The following OR2M7 variants were observed in gnomAD, a reference collection of about 807,000 sequenced individuals.
OR2M7 encodes the protein olfactory receptor 2M7.
For missense variants in OR2M7, 390 were observed against 386.8 expected (o/e 1.01, Z -0.07); for synonymous variants, 129 against 135.0 (o/e 0.96, Z 0.31).
rs1257087789 is a variant in OR2M7, at chr1:248,323,997, T to C, written c.572A>G (p.Asp191Gly). The C allele has an allele frequency of 1.2e-6, 2 of 1,613,854 alleles. No homozygotes were observed. Among genetic ancestry groups the C allele is most frequent in the Non-Finnish European group, 1.7e-6 (2 of 1,179,828 alleles). Residue 191 changes from aspartate (D) to glycine (G), a missense_variant, in exon 1 of 1, where the codon GAC (aspartate) becomes GGC (glycine). Physicochemically the swap from Asp to Gly is moderately conservative, Grantham distance 94. Coordinates refer to ENST00000317965, the MANE Select transcript of OR2M7 (RefSeq NM_001004691.1). ...AATAACCTCTTCAAATATTGATGTG[T>C]CATTGCATGAGAGGATTAGTAGGGA... Reference protein sequence around the residue: ...FPSLLILSCNDTSIFEEVIFI... With the variant: ...FPSLLILSCNGTSIFEEVIFI...
Position 248,323,767 on chromosome 1 carries a change from G to T in OR2M7, c.802C>A (p.Pro268Thr). 6.2e-7 allele frequency: 1 copy of T among 1,613,750 alleles called. No homozygotes were observed. The highest frequency in any genetic ancestry group is 8.5e-7 in the Non-Finnish European group (1 of 1,179,740). The change falls in exon 1 of 1, where the codon CCT (proline) becomes ACT (threonine). Residue 268 changes from proline to threonine, a missense_variant. By Grantham distance (38) the Pro-to-Thr change is conservative. Coordinates refer to ENST00000317965, the MANE Select transcript of OR2M7 (RefSeq NM_001004691.1). ...MCIQPTSHHSPMQDKMVSVFY... is the reference protein window; with the variant it reads ...MCIQPTSHHSTMQDKMVSVFY... ...ACAGACACCATCTTGTCCTGCATAG[G>T]AGAATGATGAGATGTGGGCTGAATG...
At position 248,324,105 on chromosome 1, in the gene OR2M7, T is replaced by C; in HGVS notation, c.464A>G (p.Asp155Gly). The C allele has an allele frequency of 6.2e-7, 1 of 1,613,804 alleles. No individual in the cohort carries two copies. Among genetic ancestry groups the C allele is most frequent in the Non-Finnish European group, 8.5e-7 (1 of 1,179,816 alleles). Reference sequence around the variant, plus strand: ...TGTCGCTACAGCATCAATGATTCCATCTGTAGAGCCCAGGATCCAGGAGAA... The same window carrying C: ...TGTCGCTACAGCATCAATGATTCCACCTGTAGAGCCCAGGATCCAGGAGAA... Reference protein sequence around the residue: ...TAFSWILGSTDGIIDAVATFS... With the variant: ...TAFSWILGSTGGIIDAVATFS... The change falls in exon 1 of 1, where the codon GAT becomes GGT. Residue 155 changes from aspartate to glycine, a missense_variant. Asp to Gly is a moderately conservative substitution (Grantham distance 94, BLOSUM62 -1). Transcript: ENST00000317965.
rs1384144755 is a variant in OR2M7 at position 248,324,124 on chromosome 1, AG to A, written c.444del (p.Trp149GlyfsTer13). ...ATTCCATCTGTAGAGCCCAGGATCC[AG>A]GAGAAGGCAGTCATAAGTCCACAAA... is the stretch of plus-strand genomic sequence containing the variant. ...PKICGLMTAF[S>X]WILGSTDGII... On this transcript the variant is annotated frameshift_variant, in exon 1 of 1. Coordinates refer to ENST00000317965, the MANE Select transcript of OR2M7 (RefSeq NM_001004691.1). LOFTEE classifies it low-confidence loss of function (END_TRUNC). 6.2e-7 allele frequency: 1 copy of A among 1,613,806 alleles called. No individual in the cohort carries two copies. The highest frequency in any genetic ancestry group is 8.5e-7 in the Non-Finnish European group (1 of 1,179,842).
chr1:248,324,199 T>A lies in OR2M7; in HGVS notation c.370A>T (p.Thr124Ser). The stretch of plus-strand genomic sequence containing the variant: ...TATCTTAGAGGGTGGCAAATGGCAG[T>A]GTAGCGGTCATAAGACATAACAGCC... ...LLAVMSYDRY[T>S]AICHPLRYTN... Residue 124 changes from threonine (T) to serine (S), a missense_variant, in exon 1 of 1, where the codon ACT becomes TCT. Coordinates refer to ENST00000317965, the MANE Select transcript of OR2M7 (RefSeq NM_001004691.1). The A allele has an allele frequency of 6.2e-7, 1 of 1,613,992 alleles. No individual in the cohort carries two copies. Among genetic ancestry groups the A allele is most frequent in the Non-Finnish European group, 8.5e-7 (1 of 1,179,928 alleles).
In OR2M7 at chr1:248,324,356, G is replaced by A; in HGVS notation, c.213C>T (p.Leu71=). 1 of 1,613,988 alleles carries A rather than the reference G, an allele frequency of 6.2e-7. No individual in the cohort carries two copies. Among genetic ancestry groups the A allele is most frequent in the Non-Finnish European group, 8.5e-7 (1 of 1,179,924 alleles). ...TGGGTACAGTGGTGCAGATGAGCAT[G>A]AGGTCCATGAGGGACAGTTGGCTGA... is the stretch of plus-strand genomic sequence containing the variant. The part of the protein sequence containing the change: ...FLLSQLSLMD[L]MLICTTVPKM... Residue 71 remains leucine (L), a synonymous_variant, in exon 1 of 1, where the codon CTC becomes CTT. Coordinates refer to ENST00000317965, the MANE Select transcript of OR2M7 (RefSeq NM_001004691.1).
chr1:248,324,557 C>T lies in OR2M7; in HGVS notation c.12G>A (p.Glu4=), dbSNP rs928107674. MAW[E]NQTFNSDFLL... The stretch of plus-strand genomic sequence containing the variant: ...GGAAGTCAGAGTTGAAGGTCTGATT[C>T]TCCCATGCCATGATGAATATGCCTG... Residue 4 remains glutamate, a synonymous_variant, in exon 1 of 1, where the codon GAG becomes GAA. Transcript: ENST00000317965. The T allele has an allele frequency of 2.5e-6, 4 of 1,599,236 alleles. No individual in the cohort carries two copies. The highest frequency in any genetic ancestry group is 3.4e-6 in the Non-Finnish European group (4 of 1,173,244).
Position 248,323,728 on chromosome 1 carries a change from C to T in OR2M7, c.841G>A (p.Val281Ile), listed in dbSNP as rs143090101. 4.9e-5 allele frequency: 79 copies of T among 1,613,284 alleles called. No individual in the cohort carries two copies. The highest frequency in any genetic ancestry group is 9.4e-5 in the African/African-American group (7 of 74,848). Residue 281 changes from valine to isoleucine, a missense_variant, in exon 1 of 1, where the codon GTC (valine) becomes ATC (isoleucine). Val to Ile is a conservative substitution (Grantham distance 29). Transcript: ENST00000317965. Reference sequence around the variant, plus strand: ...ATGAGAGGATTCAGCATGGGAGTGACGATGGTGTAGAATACAGACACCATC... The same window carrying T: ...ATGAGAGGATTCAGCATGGGAGTGATGATGGTGTAGAATACAGACACCATC... ...DKMVSVFYTI[V>I]TPMLNPLIYS...
Position 248,324,187 on chromosome 1 carries a change from G to A in OR2M7, c.382C>T (p.His128Tyr). 1 of 1,614,014 alleles carries A rather than the reference G, an allele frequency of 6.2e-7. No individual in the cohort carries two copies. Among genetic ancestry groups the A allele is most frequent in the Non-Finnish European group, 8.5e-7 (1 of 1,179,922 alleles). ...ATGAGATTGGTGTATCTTAGAGGGT[G>A]GCAAATGGCAGTGTAGCGGTCATAA... ...MSYDRYTAIC[H>Y]PLRYTNLMRP... The change falls in exon 1 of 1, where the codon CAC (histidine) becomes TAC (tyrosine). Residue 128 changes from histidine (H) to tyrosine (Y), a missense_variant. Physicochemically the swap from His to Tyr is moderately conservative, Grantham distance 83. Transcript: ENST00000317965.
rs377054701 is a variant in OR2M7, at chr1:248,324,539, A to G, written c.30T>C (p.Ser10=). 1.4e-5 allele frequency: 22 copies of G among 1,607,182 alleles called. No individual in the cohort carries two copies. In the Admixed American group the frequency reaches 2.0e-4, roughly 15 times the overall value. Residue 10 remains serine, a synonymous_variant, in exon 1 of 1, where the codon TCT becomes TCC. Coordinates refer to ENST00000317965, the MANE Select transcript of OR2M7 (RefSeq NM_001004691.1). ...TGAAGATTCCCAGGAGGAGGAAGTCAGAGTTGAAGGTCTGATTCTCCCATG... is the reference window on the plus strand; with the variant it reads ...TGAAGATTCCCAGGAGGAGGAAGTCGGAGTTGAAGGTCTGATTCTCCCATG... The part of the protein sequence containing the change: MAWENQTFN[S]DFLLLGIFNH...
rs1432725507 is a variant in OR2M7, at chr1:248,324,018, A to G, written c.551T>C (p.Leu184Pro). ...IAHFCCDFPS[L>P]LILSCNDTSI... ...TGTGTCATTGCATGAGAGGATTAGT[A>G]GGGAAGGGAAGTCACAGCAGAAGTG... Residue 184 changes from leucine to proline, a missense_variant, in exon 1 of 1, where the codon CTA (leucine) becomes CCA (proline). Leu to Pro is a moderately conservative substitution (Grantham distance 98). Coordinates refer to ENST00000317965, the MANE Select transcript of OR2M7 (RefSeq NM_001004691.1). 1 of 1,613,784 alleles carries G rather than the reference A, an allele frequency of 6.2e-7. No individual in the cohort carries two copies. Among genetic ancestry groups the G allele is most frequent in the African/African-American group, 1.3e-5 (1 of 74,916 alleles).
rs201740497 is a variant in OR2M7 at position 248,324,070 on chromosome 1, A to T, written c.499T>A (p.Ser167Thr). 1.1e-5 allele frequency: 17 copies of T among 1,613,754 alleles called. No individual in the cohort carries two copies. The highest frequency in any genetic ancestry group is 1.4e-5 in the Non-Finnish European group (17 of 1,179,852). The part of the protein sequence containing the change: ...IIDAVATFSF[S>T]YCGSREIAHF... ...GCTATTTCCCGAGACCCACAGTAGG[A>T]GAAGGAAAATGTCGCTACAGCATCA... is the stretch of plus-strand genomic sequence containing the variant. The change falls in exon 1 of 1, where the codon TCC (serine) becomes ACC (threonine). Residue 167 changes from serine (S) to threonine (T), a missense_variant. Ser to Thr is a moderately conservative substitution (Grantham distance 58). Transcript: ENST00000317965.
In OR2M7 at chr1:248,323,709, G is replaced by A. The variant is rs367828278; in HGVS notation, c.860C>T (p.Pro287Leu). The change falls in exon 1 of 1, where the codon CCT (proline) becomes CTT (leucine). Residue 287 changes from proline (P) to leucine (L), a missense_variant. Transcript: ENST00000317965. ...CTTGTTGCGGAGGCTATAAATGAGA[G>A]GATTCAGCATGGGAGTGACGATGGT... ...FYTIVTPMLN[P>L]LIYSLRNKEV... 7.9e-5 allele frequency: 127 copies of A among 1,613,164 alleles called. No homozygotes were observed. The highest frequency in any genetic ancestry group is 1.0e-4 in the Non-Finnish European group (119 of 1,179,546).
At position 248,323,917 on chromosome 1, in the gene OR2M7, AG is replaced by A. The variant is rs1363294263; in HGVS notation, c.651del (p.Tyr218MetfsTer68). On this transcript the variant is annotated frameshift_variant, in exon 1 of 1. Coordinates refer to ENST00000317965, the MANE Select transcript of OR2M7 (RefSeq NM_001004691.1). LOFTEE classifies it low-confidence loss of function (END_TRUNC). ...ATGACAGCCAGAATAACTCGAGCAT[AG>A]GAAGTGATGATGATTGCAACAGGGA... ...LVFPVAIIIT[S>X]YARVILAVIH... 1.2e-6 allele frequency: 2 copies of A among 1,613,058 alleles called. No individual in the cohort carries two copies. The highest frequency in any genetic ancestry group is 2.7e-5 in the African/African-American group (2 of 74,890).
chr1:248,324,324 G>A lies in OR2M7; in HGVS notation c.245C>T (p.Ala82Val). Residue 82 changes from alanine (A) to valine (V), a missense_variant, in exon 1 of 1, where the codon GCC (alanine) becomes GTC (valine). Physicochemically the swap from Ala to Val is moderately conservative, Grantham distance 64. Transcript: ENST00000317965. ...MLICTTVPKM[A>V]FNYLSGSKSI... ...CTTGCTGCCAGACAAGTAGTTGAAG[G>A]CCATCTTGGGTACAGTGGTGCAGAT... is the stretch of plus-strand genomic sequence containing the variant. The A allele has an allele frequency of 6.2e-7, 1 of 1,614,086 alleles. No individual in the cohort carries two copies. Among genetic ancestry groups the A allele is most frequent in the Non-Finnish European group, 8.5e-7 (1 of 1,179,976 alleles).
chr1:248,323,869 G>A lies in OR2M7; in HGVS notation c.700C>T (p.Arg234Cys), dbSNP rs1187175932. The stretch of plus-strand genomic sequence containing the variant: ...GAACAAGTAGTAAAAGCTTTGCGAC[G>A]TCCCTCTCCAGATCCCATGTGAATG... ...AVIHMGSGEGRRKAFTTCSSH... is the reference protein window; with the variant it reads ...AVIHMGSGEGCRKAFTTCSSH... Residue 234 changes from arginine to cysteine, a missense_variant, in exon 1 of 1, where the codon CGT becomes TGT. Physicochemically the swap from Arg to Cys is radical, Grantham distance 180. Coordinates refer to ENST00000317965, the MANE Select transcript of OR2M7 (RefSeq NM_001004691.1). 5 of 1,612,598 alleles carry A rather than the reference G, an allele frequency of 3.1e-6. No individual in the cohort carries two copies. Among genetic ancestry groups the A allele is most frequent in the East Asian group, 2.2e-5 (1 of 44,896 alleles).
Position 248,324,096 on chromosome 1 carries a change from A to G in OR2M7, c.473T>C (p.Ile158Thr), listed in dbSNP as rs767829320. The change falls in exon 1 of 1, where the codon ATT (isoleucine) becomes ACT (threonine). Residue 158 changes from isoleucine (I) to threonine (T), a missense_variant. Coordinates refer to ENST00000317965, the MANE Select transcript of OR2M7 (RefSeq NM_001004691.1). The part of the protein sequence containing the change: ...SWILGSTDGI[I>T]DAVATFSFSY... ...GAAGGAAAATGTCGCTACAGCATCA[A>G]TGATTCCATCTGTAGAGCCCAGGAT... The G allele has an allele frequency of 1.9e-5, 31 of 1,613,804 alleles. No homozygotes were observed. Among genetic ancestry groups the G allele is most frequent in the African/African-American group, 1.1e-4 (8 of 74,904 alleles).
In OR2M7 at chr1:248,323,941, G is replaced by C. The variant is rs760638003; in HGVS notation, c.628C>G (p.Pro210Ala). ...FICCIVMLVF[P>A]VAIIITSYAR... Reference sequence around the variant, plus strand: ...TAGGAAGTGATGATGATTGCAACAGGGAAAACAAGCATTACTATACAGCAG... The same window carrying C: ...TAGGAAGTGATGATGATTGCAACAGCGAAAACAAGCATTACTATACAGCAG... Residue 210 changes from proline (P) to alanine (A), a missense_variant, in exon 1 of 1, where the codon CCT (proline) becomes GCT (alanine). By Grantham distance (27) the Pro-to-Ala change is conservative (BLOSUM62 -1). Transcript: ENST00000317965. 2.5e-6 allele frequency: 4 copies of C among 1,613,510 alleles called. No individual in the cohort carries two copies. The highest frequency in any genetic ancestry group is 3.4e-6 in the Non-Finnish European group (4 of 1,179,826).
In OR2M7 at chr1:248,323,959, T is replaced by A; in HGVS notation, c.610A>T (p.Ile204Leu). 2 of 1,613,834 alleles carry A rather than the reference T, an allele frequency of 1.2e-6. No homozygotes were observed. Among genetic ancestry groups the A allele is most frequent in the Non-Finnish European group, 1.7e-6 (2 of 1,179,830 alleles). The stretch of plus-strand genomic sequence containing the variant: ...GCAACAGGGAAAACAAGCATTACTA[T>A]ACAGCAGATGAAAATAACCTCTTCA... ...IFEEVIFICCIVMLVFPVAII... is the reference protein window; with the variant it reads ...IFEEVIFICCLVMLVFPVAII... The change falls in exon 1 of 1, where the codon ATA becomes TTA. Residue 204 changes from isoleucine to leucine, a missense_variant. Coordinates refer to ENST00000317965, the MANE Select transcript of OR2M7 (RefSeq NM_001004691.1).
At position 248,324,133 on chromosome 1, in the gene OR2M7, C is replaced by T; in HGVS notation, c.436G>A (p.Ala146Thr). The T allele has an allele frequency of 6.2e-7, 1 of 1,613,832 alleles. No homozygotes were observed. Among genetic ancestry groups the T allele is most frequent in the Non-Finnish European group, 8.5e-7 (1 of 1,179,840 alleles). The change falls in exon 1 of 1, where the codon GCC becomes ACC. Residue 146 changes from alanine to threonine, a missense_variant. By Grantham distance (58) the Ala-to-Thr change is moderately conservative. Coordinates refer to ENST00000317965, the MANE Select transcript of OR2M7 (RefSeq NM_001004691.1). ...MRPKICGLMT[A>T]FSWILGSTDG... is the part of the protein sequence containing the mutation. ...GTAGAGCCCAGGATCCAGGAGAAGG[C>T]AGTCATAAGTCCACAAATTTTGGGT...
Sources: gnomAD v4.1 joint callset for allele counts on GRCh38, gnomAD v4.1.1 for gene constraint, MANE v1.5 for transcripts, NCBI Gene and HGNC (gene_info 2026-07-23, HGNC 2026-07-21) for gene names.